The following TMEM87A variants were observed in gnomAD, a reference collection of about 807,000 sequenced individuals.
TMEM87A encodes Golgi-pH regulating cation channel.
A neutral mutation model predicts 90.0 loss-of-function variants in TMEM87A; 50 were observed. That is an observed-to-expected ratio of 0.56 (90% CI 0.44 to 0.70). The LOEUF is 0.70. Ranked by LOEUF, TMEM87A falls within the 30% of genes least tolerant of loss-of-function variation. TMEM87A has a pLI of 0.00. For synonymous variants in TMEM87A, 226 were observed against 226.7 expected (o/e 1.00, Z 0.03); for missense variants, 577 against 660.5 (o/e 0.87, Z 1.39).
chr15:42,258,599 G>C, intron 6 of TMEM87A: 1 of 542,122 alleles, frequency 1.8e-6, no homozygotes, highest in Non-Finnish European at 2.4e-6. Context: ...ACTAATTTTT[G>C]TATTTTTAGT....
chr15:42,268,236 G>C (rs985035639), intron 2 of TMEM87A, among the ~76,000 whole-genome samples: 7 of 152,198 alleles, frequency 4.6e-5, no homozygotes, highest in African/African-American at 1.7e-4. Context: ...TAGAAAAATA[G>C]CAGGTAAGCA....
chr15:42,215,426 G>A (rs529785519), intron 19 of TMEM87A, among the ~76,000 whole-genome samples: 13 of 152,278 alleles, frequency 8.5e-5, no homozygotes, highest in Middle Eastern at 3.4e-3. Flanking sequence ...GCGTGAACCC[G>A]GAGGTTCTTA....
rs112218370 is a variant in TMEM87A at position 42,237,605 on chromosome 15, A to G, written c.695T>C (p.Val232Ala). The change falls in exon 9 of 20, where the codon GTG (valine) becomes GCG (alanine). Residue 232 changes from valine to alanine, a missense_variant. By Grantham distance (64) the Val-to-Ala change is moderately conservative. Transcript: ENST00000389834. ...AAACAGGACATATACAATACACATC[A>G]CCATGAAAAACTGTTATCAAATTGG... is the stretch of plus-strand genomic sequence containing the variant. The part of the protein sequence containing the change: ...EDYPLMIFFM[V>A]MCIVYVLFGV... 1 of 1,581,272 alleles carries G rather than the reference A, an allele frequency of 6.3e-7. No homozygotes were observed. The highest frequency in any genetic ancestry group is 8.6e-7 in the Non-Finnish European group (1 of 1,162,392).
At chr15:42,270,618 C>G (rs1003209199) in intron 2 of TMEM87A, among the ~76,000 whole-genome samples, 1 of 152,024 alleles carries the variant, frequency 6.6e-6, no homozygotes, top group Non-Finnish European at 1.5e-5. Context: ...GTTGGTTTAA[C>G]TTGGCAAAAC....
At chr15:42,253,376 C>G (rs908454554) in intron 6 of TMEM87A, among the ~76,000 whole-genome samples, 2 of 152,186 alleles carry the variant, frequency 1.3e-5, no homozygotes, top group African/African-American at 4.8e-5. Context: ...TCATGCTTGA[C>G]AGTCTCTCTA....
intron 12 of TMEM87A, among the ~76,000 whole-genome samples, chr15:42,229,758 G>A (rs1448016069): frequency 6.6e-6 from 1 of 152,154 alleles, no homozygotes; most frequent in Non-Finnish European, 1.5e-5. Flanking sequence ...TTATTCTCAA[G>A]TAGAAGTTGC....
chr15:42,243,319 A>AAAG (rs2050909167), intron 7 of TMEM87A, among the ~76,000 whole-genome samples: 12 of 128,462 alleles, frequency 9.3e-5, no homozygotes, highest in Admixed American at 3.1e-4. Context: ...TAAATAAAAA[A>AAAG]AAAGAAAGCA....
At position 42,247,027 on chromosome 15, in the gene TMEM87A, C is replaced by A. The variant is rs572413360; in HGVS notation, c.505-2860G>T. 1.7e-3 allele frequency among the ~76,000 whole-genome samples: 248 copies of A among 147,064 alleles called. 1 individual carries two copies. The highest frequency in any genetic ancestry group is 6.0e-3 in the African/African-American group (241 of 39,928). ...GGTATCTCATTGTGGTTTTGATTTGCATTTCTCTGATGACCAGTGATGATG... is the reference window on the plus strand; with the variant it reads ...GGTATCTCATTGTGGTTTTGATTTGAATTTCTCTGATGACCAGTGATGATG... On this transcript the variant is annotated intron_variant, in intron 6 of 19. Transcript: ENST00000389834.
At chr15:42,265,021 A>C (rs766252422) in intron 3 of TMEM87A, among the ~76,000 whole-genome samples, 4 of 152,126 alleles carry the variant, frequency 2.6e-5, no homozygotes, top group Non-Finnish European at 5.9e-5. Flanking sequence ...GTTCTTGCAA[A>C]GGAAATGATC....
chr15:42,260,561 A>G (rs1254581855), intron 6 of TMEM87A, among the ~76,000 whole-genome samples: 3 of 152,232 alleles, frequency 2.0e-5, no homozygotes, highest in Non-Finnish European at 4.4e-5. Flanking sequence ...GTATCCATAC[A>G]ATGCATATTT....
At chr15:42,267,034 G>C (rs1213206467) in intron 3 of TMEM87A, among the ~76,000 whole-genome samples, 2 of 152,196 alleles carry the variant, frequency 1.3e-5, no homozygotes, top group East Asian at 1.9e-4. Context: ...AATAAAATTT[G>C]AGATTTCAAG....
intron 11 of TMEM87A, 135 bp from the exon 12 acceptor site, chr15:42,231,395 T>G: frequency 1.7e-6 from 1 of 586,292 alleles, no homozygotes; most frequent in Non-Finnish European, 2.9e-6. Flanking sequence ...AAAAGAACAT[T>G]TGACACCTAA....
chr15:42,233,340 A>C, intron 10 of TMEM87A, 34 bp from the exon 11 acceptor site: 1 of 1,530,158 alleles, frequency 6.5e-7, no homozygotes, highest in Non-Finnish European at 9.0e-7. Flanking sequence ...TTGAGTACAT[A>C]TGGGACAAAT....
intron 12 of TMEM87A, 107 bp downstream of exon 12, chr15:42,231,085 A>G (rs2050678217): frequency 1.0e-6 from 1 of 995,840 alleles, no homozygotes; most frequent in Non-Finnish European, 1.5e-6. Flanking sequence ...CCCCACACTA[A>G]GGAGTAATTA....
At chr15:42,228,402 T>C (rs1279767796) in intron 13 of TMEM87A, among the ~76,000 whole-genome samples, 1 of 152,186 alleles carries the variant, frequency 6.6e-6, no homozygotes, top group Non-Finnish European at 1.5e-5. Context: ...TAATGTCTTC[T>C]AAAAGGAGTA....
At chr15:42,266,384 C>T (rs568304132) in intron 3 of TMEM87A, among the ~76,000 whole-genome samples, 15 of 152,094 alleles carry the variant, frequency 9.9e-5, no homozygotes, top group African/African-American at 3.6e-4. Context: ...GGTGTGGTGG[C>T]AGACACCTGT....
chr15:42,241,365 A>G (rs2140947755), intron 7 of TMEM87A, among the ~76,000 whole-genome samples: 1 of 152,348 alleles, frequency 6.6e-6, no homozygotes, highest in South Asian at 2.1e-4. Context: ...AAGGATAAGT[A>G]TGTATTTTCC....
intron 6 of TMEM87A, among the ~76,000 whole-genome samples, chr15:42,244,998 A>C (rs2050945303): frequency 6.6e-6 from 1 of 151,924 alleles, no homozygotes; most frequent in Non-Finnish European, 1.5e-5. Context: ...TTTCCTGTGG[A>C]GCCATAGTTC....
At chr15:42,230,116 T>G (rs72718871) in intron 12 of TMEM87A, among the ~76,000 whole-genome samples, 5,696 of 152,300 alleles carry the variant, frequency 0.037, 158 homozygotes, top group Middle Eastern at 0.068. Context: ...CATGAGCCAC[T>G]GCACCCGGCT....
Sources: gnomAD v4.1 joint callset for allele counts (sites outside exome capture counted in the v4.1 genomes callset) on GRCh38, gnomAD v4.1.1 for gene constraint, MANE v1.5 for transcripts, NCBI Gene and HGNC (gene_info 2026-07-23, HGNC 2026-07-21) for gene names.